LRMDA: variants seen among roughly 807,000 people sequenced by gnomAD.
LRMDA encodes leucine-rich melanocyte differentiation-associated protein.
In LRMDA, 18 loss-of-function variants were observed where a neutral mutation model predicts 29.8. The observed-to-expected ratio is 0.60, with a 90% CI of 0.42 to 0.90. The LOEUF is 0.90. Ranked by LOEUF, LRMDA falls within the 40% of genes least tolerant of loss-of-function variation. The pLI is 0.00. For missense variants in LRMDA, 273 were observed against 273.9 expected, an observed-to-expected ratio of 1.00 and a Z score of 0.02; for synonymous variants, 125 against 109.4, an observed-to-expected ratio of 1.14 and a Z score of -0.89.
intron 5 of LRMDA, among the ~76,000 whole-genome samples, chr10:76,247,965 A>G (rs1012164304): frequency 3.3e-5 from 5 of 152,134 alleles, no homozygotes; most frequent in African/African-American, 1.2e-4. Context: ...GGGTATTGTT[A>G]TATGCAGTCC....
At chr10:76,171,329 G>A (rs1850832394) in intron 5 of LRMDA, among the ~76,000 whole-genome samples, 2 of 152,168 alleles carry the variant, frequency 1.3e-5, no homozygotes, top group Admixed American at 6.5e-5. Context: ...AATAGAGATG[G>A]GGTTTCACCG....
chr10:75,660,643 A>G (rs559112389), intron 2 of LRMDA, among the ~76,000 whole-genome samples: 1 of 152,308 alleles, frequency 6.6e-6, no homozygotes, highest in Admixed American at 6.5e-5. Flanking sequence ...TGTAAAAATA[A>G]AATAAAATAA....
chr10:76,213,348 G>A (rs1457156166), intron 5 of LRMDA, among the ~76,000 whole-genome samples: 3 of 152,140 alleles, frequency 2.0e-5, no homozygotes, highest in African/African-American at 7.2e-5. Flanking sequence ...CCAAGACCCT[G>A]GTTGTATCCA....
chr10:76,266,551 CA>C (rs1246285586), intron 5 of LRMDA, among the ~76,000 whole-genome samples: 1 of 152,076 alleles, frequency 6.6e-6, no homozygotes, highest in African/African-American at 2.4e-5. Flanking sequence ...AGGAAAGAGT[CA>C]TTATCTCCAT....
intron 1 of LRMDA, 37 bp from the exon 2 acceptor site, chr10:75,438,357 C>T (rs752351926): frequency 6.7e-7 from 1 of 1,488,978 alleles, no homozygotes; most frequent in South Asian, 1.2e-5. Context: ...GGGTGATTTC[C>T]ATTTGCCACA....
intron 5 of LRMDA, among the ~76,000 whole-genome samples, chr10:76,248,588 C>T (rs1018027758): frequency 2.0e-5 from 3 of 152,104 alleles, no homozygotes; most frequent in Non-Finnish European, 2.9e-5. Context: ...GATTGAATAC[C>T]GGAGGGAAGG....
intron 2 of LRMDA, among the ~76,000 whole-genome samples, chr10:76,022,888 A>G (rs1466163016): frequency 6.6e-6 from 1 of 152,192 alleles, no homozygotes; most frequent in Non-Finnish European, 1.5e-5. Flanking sequence ...TGTCTGGACA[A>G]TGGACAATGC....
chr10:75,923,696 C>A (rs1053254803), intron 2 of LRMDA, among the ~76,000 whole-genome samples: 1 of 152,114 alleles, frequency 6.6e-6, no homozygotes, highest in Non-Finnish European at 1.5e-5. Context: ...GCTCTACTTT[C>A]TCTGCTTGTT....
At chr10:75,605,185 T>C (rs1051781636) in intron 2 of LRMDA, among the ~76,000 whole-genome samples, 2 of 152,216 alleles carry the variant, frequency 1.3e-5, no homozygotes, top group African/African-American at 4.8e-5. Context: ...ACTGGGAATA[T>C]AGAGACTTGA....
chr10:76,278,076 T>C (rs1840158427), intron 5 of LRMDA, among the ~76,000 whole-genome samples: 1 of 152,212 alleles, frequency 6.6e-6, no homozygotes, highest in African/African-American at 2.4e-5. Flanking sequence ...AGATAAAGTT[T>C]GCTTCTTTCT....
intron 6 of LRMDA, among the ~76,000 whole-genome samples, chr10:76,376,109 A>G (rs1479729967): frequency 6.6e-6 from 1 of 152,100 alleles, no homozygotes; most frequent in Non-Finnish European, 1.5e-5. Context: ...AATAGTGTAT[A>G]TCATTCCCAA....
intron 2 of LRMDA, among the ~76,000 whole-genome samples, chr10:75,646,109 GAATA>G (rs746849658): frequency 2.6e-4 from 38 of 148,320 alleles, no homozygotes; most frequent in African/African-American, 7.8e-4. Flanking sequence ...TTTTCCTATG[GAATA>G]AATAAATAAA....
intron 2 of LRMDA, among the ~76,000 whole-genome samples, chr10:75,533,272 T>C (rs1845499049): frequency 6.6e-6 from 1 of 152,240 alleles, no homozygotes; most frequent in Admixed American, 6.5e-5. Context: ...GATACCACTC[T>C]TTGTTTACCC....
chr10:75,802,188 T>G (rs1010305508), intron 2 of LRMDA, among the ~76,000 whole-genome samples: 5 of 152,144 alleles, frequency 3.3e-5, no homozygotes, highest in Non-Finnish European at 4.4e-5. Flanking sequence ...TATGGTGGCG[T>G]GTACCTGCGA....
intron 5 of LRMDA, among the ~76,000 whole-genome samples, chr10:76,172,047 G>A (rs1433590642): frequency 1.3e-5 from 2 of 152,118 alleles, no homozygotes; most frequent in Non-Finnish European, 2.9e-5. Context: ...TGCGAGAGAG[G>A]AAGCAAGGAC....
At chr10:75,726,944 T>C (rs974425387) in intron 2 of LRMDA, among the ~76,000 whole-genome samples, 2 of 152,166 alleles carry the variant, frequency 1.3e-5, no homozygotes, top group African/African-American at 4.8e-5. Context: ...TTTTTCTCAG[T>C]GTCTGATTAT....
At chr10:75,864,970 A>G (rs989741249) in intron 2 of LRMDA, among the ~76,000 whole-genome samples, 1 of 152,222 alleles carries the variant, frequency 6.6e-6, no homozygotes, top group African/African-American at 2.4e-5. Flanking sequence ...ACATAAAAAA[A>G]TCTTCAATTT....
chr10:75,491,036 C>T (rs1162729056), intron 2 of LRMDA, among the ~76,000 whole-genome samples: 1 of 152,220 alleles, frequency 6.6e-6, no homozygotes, highest in Non-Finnish European at 1.5e-5. Flanking sequence ...ACCACTCCCA[C>T]ATACCCCATA....
At chr10:76,304,736 G>A (rs192504297) in intron 5 of LRMDA, among the ~76,000 whole-genome samples, 8 of 152,292 alleles carry the variant, frequency 5.3e-5, no homozygotes, top group South Asian at 4.1e-4. Flanking sequence ...GGAGTAGGGC[G>A]CTGCCCTCAA....
Sources: gnomAD v4.1 joint callset for allele counts (sites outside exome capture counted in the v4.1 genomes callset) on GRCh38, gnomAD v4.1.1 for gene constraint, MANE v1.5 for transcripts, NCBI Gene and HGNC (gene_info 2026-07-23, HGNC 2026-07-21) for gene names.